The following TTC28 variants were observed in gnomAD, a reference collection of about 807,000 sequenced individuals.
TTC28 encodes tetratricopeptide repeat protein 28.
TTC28 carries 61 observed loss-of-function variants against 198.0 expected under a neutral mutation model. The ratio of observed to expected loss-of-function variants is 0.31; its 90% CI spans 0.25 to 0.38. TTC28 has a LOEUF of 0.38. Ranked by LOEUF, TTC28 falls within the 10% of genes least tolerant of loss-of-function variation. The pLI, the probability that TTC28 is intolerant of heterozygous loss-of-function variation, is 1.00. For missense variants in TTC28, 2,678 were observed against 3,164.0 expected (o/e 0.85, Z 3.69); for synonymous variants, 1,171 against 1,297.8 (o/e 0.90, Z 2.10).
At chr22:27,990,841 AAGAAAGAG>A in intron 19 of TTC28, 29 bp from the exon 20 acceptor site, 1 of 1,545,578 alleles carries the variant, frequency 6.5e-7, no homozygotes, top group Non-Finnish European at 8.7e-7. Flanking sequence ...AAGAAAAAGA[AAGAAAGAG>A]AGAAAGAAGA....
intron 2 of TTC28, among the ~76,000 whole-genome samples, chr22:28,388,175 G>C (rs1327613417): frequency 6.6e-6 from 1 of 152,138 alleles, no homozygotes; most frequent in African/African-American, 2.4e-5. Context: ...CGTTATTTCT[G>C]AGGGCTCTAT....
chr22:28,209,937 G>C (rs1235769294), intron 5 of TTC28, among the ~76,000 whole-genome samples: 1 of 152,190 alleles, frequency 6.6e-6, no homozygotes, highest in Non-Finnish European at 1.5e-5. Flanking sequence ...CTGAGACGAA[G>C]CTTCCAGAGG....
intron 14 of TTC28, among the ~76,000 whole-genome samples, chr22:28,012,495 G>A (rs1369332178): frequency 6.6e-6 from 1 of 152,152 alleles, no homozygotes; most frequent in South Asian, 2.1e-4. Context: ...TGCTGCTGCT[G>A]CCTCAGGGGC....
Position 27,980,714 on chromosome 22 carries a change from A to G in TTC28, c.*1507T>C, listed in dbSNP as rs1163341461. ...TAGGATTTTAATTTTAGAATTACCT[A>G]AAAGATACTTACTTATCTAAATTCT... On this transcript the variant is annotated 3_prime_UTR_variant, in exon 23 of 23. Transcript: ENST00000397906. The G allele has an allele frequency of 1.0e-5, 1 of 96,564 alleles. No homozygotes were observed. Among genetic ancestry groups the G allele is most frequent in the African/African-American group, 6.2e-5 (1 of 16,144 alleles). The allele number at this position is 96,564 out of a possible 1,614,324, so 6.0% of individuals were successfully genotyped here.
At chr22:28,469,935 A>G (rs1422119182) in intron 2 of TTC28, among the ~76,000 whole-genome samples, 1 of 152,182 alleles carries the variant, frequency 6.6e-6, no homozygotes, top group Non-Finnish European at 1.5e-5. Flanking sequence ...TCCTGAGCTC[A>G]AGTGATCCTC....
intron 5 of TTC28, among the ~76,000 whole-genome samples, chr22:28,247,718 G>T (rs1030690353): frequency 6.6e-6 from 1 of 152,136 alleles, no homozygotes; most frequent in African/African-American, 2.4e-5. Flanking sequence ...GACAAAGAAG[G>T]CAGAGAAAGG....
Position 28,096,366 on chromosome 22 carries a change from G to C in TTC28, c.3590C>G (p.Thr1197Arg), listed in dbSNP as rs1192335138. The change falls in exon 11 of 23, where the codon ACA becomes AGA. Residue 1197 changes from threonine to arginine, a missense_variant. Thr to Arg is a moderately conservative substitution (Grantham distance 71). This residue lies in a region of TTC28 where 727 missense variants were observed against 861.9 expected (regional missense o/e 0.84). Transcript: ENST00000397906. ...CACCAGAAGATCAGCAAATGCCCTT[G>C]TCCGTCCCCTTTCTGCCACAGCCAG... is the stretch of plus-strand genomic sequence containing the variant. ...EALAVAERGR[T>R]RAFADLLVER... 3.2e-6 allele frequency: 5 copies of C among 1,551,772 alleles called. No homozygotes were observed. The highest frequency in any genetic ancestry group is 3.5e-6 in the Non-Finnish European group (4 of 1,147,080).
At chr22:28,127,109 C>T (rs1942935242) in intron 6 of TTC28, among the ~76,000 whole-genome samples, 1 of 152,124 alleles carries the variant, frequency 6.6e-6, no homozygotes, top group Admixed American at 6.6e-5. Context: ...ATAACTATAA[C>T]CATTGCAAAG....
intron 5 of TTC28, among the ~76,000 whole-genome samples, chr22:28,267,727 C>T (rs1471251575): frequency 6.6e-6 from 1 of 152,134 alleles, no homozygotes; most frequent in African/African-American, 2.4e-5. Flanking sequence ...ATTAAACCTG[C>T]AGTACCTAAT....
intron 5 of TTC28, among the ~76,000 whole-genome samples, chr22:28,219,333 A>G (rs971227504): frequency 2.6e-5 from 4 of 152,120 alleles, no homozygotes; most frequent in African/African-American, 9.7e-5. Flanking sequence ...ACATGATGAA[A>G]TCCTCTCTCT....
At chr22:28,296,566 G>A (rs1282437554) in intron 4 of TTC28, among the ~76,000 whole-genome samples, 1 of 152,062 alleles carries the variant, frequency 6.6e-6, no homozygotes, top group Non-Finnish European at 1.5e-5. Context: ...CTGCAGACAG[G>A]GACTTAGGTG....
chr22:28,233,909 G>GTT (rs529892559), intron 5 of TTC28, among the ~76,000 whole-genome samples: 107 of 131,970 alleles, frequency 8.1e-4, no homozygotes, highest in Admixed American at 1.6e-3. Context: ...TAGCAAATTA[G>GTT]TTTTTTTTTT....
intron 2 of TTC28, among the ~76,000 whole-genome samples, chr22:28,582,028 TATA>T (rs1237561064): frequency 6.6e-6 from 1 of 152,202 alleles, no homozygotes; most frequent in Non-Finnish European, 1.5e-5. Flanking sequence ...GCAACATTAC[TATA>T]ATAATTTTAT....
intron 5 of TTC28, among the ~76,000 whole-genome samples, chr22:28,170,703 T>A (rs1055694571): frequency 3.9e-5 from 6 of 152,038 alleles, no homozygotes; most frequent in Non-Finnish European, 8.8e-5. Context: ...CTGGAGAGGG[T>A]CCTGCTCTCT....
chr22:28,317,562 G>A (rs1220413981), intron 2 of TTC28, among the ~76,000 whole-genome samples: 1 of 152,136 alleles, frequency 6.6e-6, no homozygotes, highest in African/African-American at 2.4e-5. Flanking sequence ...GAACTGGAGA[G>A]TAGCCTATCC....
chr22:28,592,504 A>G (rs891683568), intron 2 of TTC28, among the ~76,000 whole-genome samples: 1 of 152,130 alleles, frequency 6.6e-6, no homozygotes, highest in African/African-American at 2.4e-5. Context: ...AAAAAAAAAT[A>G]AAGGTAAAGT....
chr22:28,383,476 A>G (rs1478765952), intron 2 of TTC28, among the ~76,000 whole-genome samples: 2 of 152,158 alleles, frequency 1.3e-5, no homozygotes, highest in South Asian at 4.1e-4. Context: ...TGTACACTCA[A>G]ATCTCCACTT....
chr22:28,215,582 T>C (rs1424356266), intron 5 of TTC28, among the ~76,000 whole-genome samples: 2 of 152,196 alleles, frequency 1.3e-5, no homozygotes, highest in Non-Finnish European at 2.9e-5. Flanking sequence ...GACAAATCTC[T>C]AAAATGATTT....
intron 2 of TTC28, among the ~76,000 whole-genome samples, chr22:28,380,836 T>G (rs942802797): frequency 6.6e-6 from 1 of 152,148 alleles, no homozygotes; most frequent in Admixed American, 6.6e-5. Context: ...ATTATCACTA[T>G]TTTTACAGAT....
Sources: gnomAD v4.1 joint callset for allele counts (sites outside exome capture counted in the v4.1 genomes callset) on GRCh38, gnomAD v4.1.1 for gene constraint, gnomAD v4.1.1 regional missense constraint, MANE v1.5 for transcripts, NCBI Gene and HGNC (gene_info 2026-07-23, HGNC 2026-07-21) for gene names.